Variants in ADCY8 observed in about 807,000 individuals in gnomAD.
The protein encoded by ADCY8 is adenylate cyclase 8, also known as adenylate cyclase type 8.
In ADCY8, 51 loss-of-function variants were observed where a neutral mutation model predicts 119.7. The ratio of observed to expected loss-of-function variants is 0.43; its 90% CI spans 0.34 to 0.54. The LOEUF is 0.54. ADCY8 is among the 20% of genes least tolerant of loss of function. The pLI, the probability that ADCY8 is intolerant of heterozygous loss-of-function variation, is 0.03. For synonymous variants in ADCY8, 665 were observed against 651.0 expected (o/e 1.02, Z -0.33); for missense variants, 1,383 against 1,598.8 (o/e 0.87, Z 2.30).
intron 5 of ADCY8, among the ~76,000 whole-genome samples, chr8:130,924,828 G>A (rs990656900): frequency 6.6e-6 from 1 of 152,038 alleles, no homozygotes; most frequent in East Asian, 1.9e-4. Context: ...CTATCACCCC[G>A]CCTATCTTCT....
chr8:130,939,484 CTT>C (rs1199879458), intron 4 of ADCY8, among the ~76,000 whole-genome samples: 5 of 152,026 alleles, frequency 3.3e-5, no homozygotes, highest in African/African-American at 7.2e-5. Context: ...GTATGAGAGA[CTT>C]ATGCGAAAGA....
intron 12 of ADCY8, among the ~76,000 whole-genome samples, chr8:130,825,781 T>G (rs1176270823): frequency 6.6e-6 from 1 of 152,146 alleles, no homozygotes; most frequent in African/African-American, 2.4e-5. Flanking sequence ...CTGACCTAAT[T>G]TTTACTTTTT....
chr8:131,040,322 G>A lies in ADCY8; in HGVS notation c.12C>T (p.Ser4=), dbSNP rs1824348276. The A allele has an allele frequency of 2.6e-6, 4 of 1,528,270 alleles. No homozygotes were observed. The highest frequency in any genetic ancestry group is 1.2e-5 in the South Asian group (1 of 82,150). 94.7% of individuals were successfully genotyped at this position (1,528,270 alleles called of 1,614,324 possible). A position where few individuals can be genotyped will look rare whatever the true frequency, so the allele number is the denominator to read the frequency against. ...CGCTGCCTGTAAGGCAGCGCACATCGGAGAGCTCCATGGCTCTGGGCCGCA... is the reference window on the plus strand; with the variant it reads ...CGCTGCCTGTAAGGCAGCGCACATCAGAGAGCTCCATGGCTCTGGGCCGCA... MEL[S]DVRCLTGSEE... is the part of the protein sequence containing the mutation. Residue 4 remains serine, a synonymous_variant, in exon 1 of 18, where the codon TCC becomes TCT. Transcript: ENST00000286355.
chr8:130,989,361 CT>C (rs572707853), intron 2 of ADCY8, among the ~76,000 whole-genome samples: 49 of 152,240 alleles, frequency 3.2e-4, no homozygotes, highest in African/African-American at 1.1e-3. Flanking sequence ...CCCTGACTTC[CT>C]GGTGATTTGA....
At chr8:130,948,412 T>A (rs1398413264) in intron 3 of ADCY8, among the ~76,000 whole-genome samples, 2 of 152,102 alleles carry the variant, frequency 1.3e-5, no homozygotes, top group East Asian at 3.9e-4. Flanking sequence ...GAAGTCAATT[T>A]GAGCGTTCAA....
chr8:130,832,253 G>T (rs1191249275), intron 12 of ADCY8, among the ~76,000 whole-genome samples: 1 of 152,144 alleles, frequency 6.6e-6, no homozygotes, highest in Non-Finnish European at 1.5e-5. Context: ...CTAAATCAGA[G>T]GGTTGTTGTG....
rs780920984 is a variant in ADCY8, at chr8:130,780,502, T to C, written c.3644A>G (p.Asn1215Ser). 2 of 1,614,182 alleles carry C rather than the reference T, an allele frequency of 1.2e-6. No homozygotes were observed. Among genetic ancestry groups the C allele is most frequent in the Non-Finnish European group, 1.7e-6 (2 of 1,180,020 alleles). ...ACCCTTGATGATTCCTGTGTTGTTG[T>C]TCTCATTGAGTAGCTGCTTCTGCCT... ...RQRQKQLLNE[N>S]NNTGIIKGHY... The change falls in exon 18 of 18, where the codon AAC becomes AGC. Residue 1215 changes from asparagine (N) to serine (S), a missense_variant. Around this residue, in one of 2 missense-constraint regions of ADCY8, gnomAD observed 928 missense variants for 1,163.5 expected, o/e 0.80. Coordinates refer to ENST00000286355, the MANE Select transcript of ADCY8 (RefSeq NM_001115.3).
chr8:130,904,074 TC>T, intron 6 of ADCY8, 32 bp from the exon 7 acceptor site: 1 of 1,577,534 alleles, frequency 6.3e-7, no homozygotes, highest in South Asian at 1.2e-5. Context: ...CATTACACAC[TC>T]CTGATGTTGC....
At chr8:130,960,178 G>A (rs1251299447) in intron 2 of ADCY8, among the ~76,000 whole-genome samples, 1 of 152,162 alleles carries the variant, frequency 6.6e-6, no homozygotes, top group Non-Finnish European at 1.5e-5. Flanking sequence ...CTGTGAAAGA[G>A]GGAAAGAGGG....
chr8:130,811,883 G>A (rs1816178812), intron 14 of ADCY8, among the ~76,000 whole-genome samples: 1 of 152,224 alleles, frequency 6.6e-6, no homozygotes, highest in Non-Finnish European at 1.5e-5. Context: ...GTCTCACAGA[G>A]TAAGACCAAA....
chr8:130,978,026 T>C (rs1822127126), intron 2 of ADCY8, among the ~76,000 whole-genome samples: 1 of 152,182 alleles, frequency 6.6e-6, no homozygotes, highest in African/African-American at 2.4e-5. Flanking sequence ...GGCCCTGTGC[T>C]CTGCACTGGG....
chr8:130,924,100 A>G (rs534791733), intron 5 of ADCY8, among the ~76,000 whole-genome samples: 1 of 152,372 alleles, frequency 6.6e-6, no homozygotes, highest in African/African-American at 2.4e-5. Flanking sequence ...GTGGGCTACC[A>G]TGATGACTAA....
At chr8:130,998,974 G>A (rs890047221) in intron 1 of ADCY8, among the ~76,000 whole-genome samples, 1 of 152,162 alleles carries the variant, frequency 6.6e-6, no homozygotes, top group Admixed American at 6.5e-5. Context: ...ATCTGCTGCG[G>A]TGGGTCCATA....
At chr8:130,807,457 G>A (rs1206572544) in intron 14 of ADCY8, among the ~76,000 whole-genome samples, 5 of 152,214 alleles carry the variant, frequency 3.3e-5, no homozygotes, top group Non-Finnish European at 2.9e-5. Context: ...GCTTTAGGAG[G>A]TGACTAAGTG....
Position 130,916,619 on chromosome 8 carries a change from GGGTTT to G in ADCY8, c.1482-6758_1482-6754del, listed in dbSNP as rs570328280. Among the ~76,000 whole-genome samples, 17 of 152,324 alleles carry G rather than the reference GGGTTT, an allele frequency of 1.1e-4. 1 individual carries two copies. In the East Asian group the frequency reaches 2.1e-3, roughly 19 times the overall value. On this transcript the variant is annotated intron_variant, in intron 5 of 17. Coordinates refer to ENST00000286355, the MANE Select transcript of ADCY8 (RefSeq NM_001115.3). ...CATAACGCACAAGCTGGAAGATTGT[GGGTTT>G]ACGGGAATGAGGGCAAGGAACACCT... is the stretch of plus-strand genomic sequence containing the variant.
At chr8:130,942,353 A>G (rs1200807468) in intron 4 of ADCY8, among the ~76,000 whole-genome samples, 1 of 152,194 alleles carries the variant, frequency 6.6e-6, no homozygotes. Context: ...TCTAAAGGTC[A>G]TGTGTTACCT....
At chr8:130,820,109 G>A (rs114278615) in intron 13 of ADCY8, among the ~76,000 whole-genome samples, 1,685 of 152,312 alleles carry the variant, frequency 0.011, 29 homozygotes, top group African/African-American at 0.038. Flanking sequence ...GAAAGTGCTA[G>A]GCACATAGTA....
At chr8:131,034,407 T>C (rs1020623552) in intron 1 of ADCY8, among the ~76,000 whole-genome samples, 2 of 152,018 alleles carry the variant, frequency 1.3e-5, no homozygotes, top group African/African-American at 4.8e-5. Flanking sequence ...GCTCCCCTCC[T>C]GAACCCAACT....
At chr8:130,986,043 T>C (rs186320275) in intron 2 of ADCY8, among the ~76,000 whole-genome samples, 1 of 152,294 alleles carries the variant, frequency 6.6e-6, no homozygotes, top group Non-Finnish European at 1.5e-5. Context: ...TTAAAATAAA[T>C]ATGGGCCATT....
Sources: gnomAD v4.1 joint callset for allele counts (sites outside exome capture counted in the v4.1 genomes callset) on GRCh38, gnomAD v4.1.1 for gene constraint, gnomAD v4.1.1 regional missense constraint, MANE v1.5 for transcripts, NCBI Gene and HGNC (gene_info 2026-07-23, HGNC 2026-07-21) for gene names.